TTC7B: variants seen among roughly 807,000 people sequenced by gnomAD.
TTC7B encodes tetratricopeptide repeat protein 7B.
Under a neutral mutation model 106.8 loss-of-function variants are expected in TTC7B, and 28 were observed. The ratio of observed to expected loss-of-function variants is 0.26; its 90% CI spans 0.19 to 0.36. The LOEUF is 0.36. Among genes scored for constraint, TTC7B ranks in the 10% least tolerant of loss-of-function variants. The pLI is 1.00. For missense variants in TTC7B, 862 were observed against 1,076.4 expected (o/e 0.80, Z 2.79); for synonymous variants, 405 against 430.6 (o/e 0.94, Z 0.74).
At chr14:90,556,163 C>T (rs367566500) in intron 19 of TTC7B, among the ~76,000 whole-genome samples, 1 of 152,242 alleles carries the variant, frequency 6.6e-6, no homozygotes, top group Non-Finnish European at 1.5e-5. Flanking sequence ...CTGGCGGCAG[C>T]GCTGGCTGGG....
In TTC7B at chr14:90,572,941, C is replaced by T. The variant is rs1260382446; in HGVS notation, c.2310+5165G>A. Among the ~76,000 whole-genome samples the T allele has an allele frequency of 2.0e-5, 3 of 152,112 alleles. No homozygotes were observed. In the East Asian group the frequency reaches 5.8e-4, roughly 29 times the overall value. On this transcript the variant is annotated intron_variant, in intron 19 of 19. Transcript: ENST00000328459. Reference sequence around the variant, plus strand: ...GTACTCTTTGGGCCAACTGCCTCAGCCCAACCCCTAGCCACCGCCCGTCTC... The same window carrying T: ...GTACTCTTTGGGCCAACTGCCTCAGTCCAACCCCTAGCCACCGCCCGTCTC...
intron 1 of TTC7B, among the ~76,000 whole-genome samples, chr14:90,813,669 ATTC>A: frequency 7.7e-6 from 1 of 130,654 alleles, no homozygotes; most frequent in South Asian, 2.7e-4. Flanking sequence ...CAAACACTGT[ATTC>A]TTTTTTTTTT....
intron 5 of TTC7B, among the ~76,000 whole-genome samples, chr14:90,702,305 G>GTACC (rs962805035): frequency 7.2e-5 from 11 of 151,960 alleles, no homozygotes; most frequent in African/African-American, 2.7e-4. Flanking sequence ...TTGGGTAACT[G>GTACC]TACCCACCTC....
intron 4 of TTC7B, among the ~76,000 whole-genome samples, chr14:90,731,677 G>A (rs531303322): frequency 2.8e-4 from 43 of 152,052 alleles, no homozygotes; most frequent in Non-Finnish European, 5.7e-4. Flanking sequence ...CCCACTACAG[G>A]CTCCTCCTCC....
intron 15 of TTC7B, among the ~76,000 whole-genome samples, chr14:90,640,006 C>T (rs1056556661): frequency 1.3e-5 from 2 of 152,154 alleles, no homozygotes; most frequent in South Asian, 2.1e-4. Context: ...ACGCCGGGTG[C>T]GGTAGCTCAG....
chr14:90,697,106 T>C (rs561239371), intron 5 of TTC7B, among the ~76,000 whole-genome samples: 52 of 152,288 alleles, frequency 3.4e-4, no homozygotes, highest in African/African-American at 1.2e-3. Flanking sequence ...TTGAATTGTA[T>C]GAAATAAGCT....
intron 1 of TTC7B, among the ~76,000 whole-genome samples, chr14:90,814,759 G>A (rs937925334): frequency 1.3e-5 from 2 of 152,176 alleles, no homozygotes; most frequent in Non-Finnish European, 2.9e-5. Flanking sequence ...GGAGGGCAAA[G>A]GCAAGCTGCC....
chr14:90,584,078 G>A (rs1412376030), intron 18 of TTC7B, among the ~76,000 whole-genome samples: 1 of 152,126 alleles, frequency 6.6e-6, no homozygotes, highest in Admixed American at 6.5e-5. Flanking sequence ...GTCACAGTGA[G>A]CCGCAAGTGT....
chr14:90,780,322 G>T (rs372909896), intron 3 of TTC7B, among the ~76,000 whole-genome samples: 1 of 151,234 alleles, frequency 6.6e-6, no homozygotes, highest in Non-Finnish European at 1.5e-5. Flanking sequence ...CGGAGGTTGC[G>T]GTAAGCCAAG....
At chr14:90,673,194 T>C (rs1397609746) in intron 9 of TTC7B, among the ~76,000 whole-genome samples, 1 of 152,184 alleles carries the variant, frequency 6.6e-6, no homozygotes, top group African/African-American at 2.4e-5. Context: ...ACTGTCCCAT[T>C]CAACAAAACT....
At chr14:90,715,129 T>C (rs942149738) in intron 5 of TTC7B, among the ~76,000 whole-genome samples, 6 of 152,330 alleles carry the variant, frequency 3.9e-5, no homozygotes, top group Non-Finnish European at 5.9e-5. Context: ...CAGTAAATAG[T>C]TGATGGCTAT....
chr14:90,644,166 G>T lies in TTC7B; in HGVS notation c.1633C>A (p.Gln545Lys), dbSNP rs750822086. ...LGYVRQALQL[Q>K]GDDANSLHLL... ...TGCAGGGAGTTGGCATCGTCACCTT[G>T]AAGCTGAAGAGCTTGGCGGACATAC... The change falls in exon 15 of 20, where the codon CAA becomes AAA. Residue 545 changes from glutamine to lysine, a missense_variant. Coordinates refer to ENST00000328459, the MANE Select transcript of TTC7B (RefSeq NM_001010854.2). 3.1e-6 allele frequency: 5 copies of T among 1,612,406 alleles called. No homozygotes were observed. In the Admixed American group the frequency reaches 5.0e-5, roughly 16 times the overall value.
rs2030019306 is a variant in TTC7B, at chr14:90,798,500, C to T, written c.122-12172G>A. Among the ~76,000 whole-genome samples, 3 of 152,040 alleles carry T rather than the reference C, an allele frequency of 2.0e-5. 1 individual carries two copies. In the South Asian group the frequency reaches 6.2e-4, roughly 32 times the overall value. ...TGTAATCCCAACACTCGCCTGAGGTCAAGAGTTCGAGACCAGCCTGGCCAA... is the reference window on the plus strand; with the variant it reads ...TGTAATCCCAACACTCGCCTGAGGTTAAGAGTTCGAGACCAGCCTGGCCAA... On this transcript the variant is annotated intron_variant, in intron 1 of 19. Coordinates refer to ENST00000328459, the MANE Select transcript of TTC7B (RefSeq NM_001010854.2).
At chr14:90,594,243 T>C (rs1406239143) in intron 17 of TTC7B, among the ~76,000 whole-genome samples, 1 of 152,076 alleles carries the variant, frequency 6.6e-6, no homozygotes, top group Non-Finnish European at 1.5e-5. Flanking sequence ...TAGCAGGGGA[T>C]GGGATGGAAT....
chr14:90,672,914 C>A (rs1886686518), intron 9 of TTC7B, among the ~76,000 whole-genome samples: 1 of 152,214 alleles, frequency 6.6e-6, no homozygotes, highest in African/African-American at 2.4e-5. Context: ...AATGAATATG[C>A]ATCTCCCAAC....
chr14:90,566,157 GCC>G (rs1201201328), intron 19 of TTC7B, among the ~76,000 whole-genome samples: 1 of 152,000 alleles, frequency 6.6e-6, no homozygotes, highest in Non-Finnish European at 1.5e-5. Context: ...TTTGAGACCA[GCC>G]TGGCCAATAT....
chr14:90,614,490 T>C (rs1892991009), intron 16 of TTC7B, among the ~76,000 whole-genome samples: 2 of 152,124 alleles, frequency 1.3e-5, no homozygotes, highest in Non-Finnish European at 2.9e-5. Flanking sequence ...GGGTACATGA[T>C]GGAGATGGGT....
At chr14:90,756,948 T>A (rs1404852319) in intron 3 of TTC7B, among the ~76,000 whole-genome samples, 1 of 152,086 alleles carries the variant, frequency 6.6e-6, no homozygotes. Context: ...TCTCTAAATA[T>A]AAACAGGAAG....
chr14:90,584,827 C>T lies in TTC7B; in HGVS notation c.2108-6519G>A, dbSNP rs542841977. Reference sequence around the variant, plus strand: ...GGAGGGCAGAGGGGTCCCACCTGATCGCAGGGTGTCTGCTAGCACAGAGGG... The same window carrying T: ...GGAGGGCAGAGGGGTCCCACCTGATTGCAGGGTGTCTGCTAGCACAGAGGG... On this transcript the variant is annotated intron_variant, in intron 18 of 19. Coordinates refer to ENST00000328459, the MANE Select transcript of TTC7B (RefSeq NM_001010854.2). Among the ~76,000 whole-genome samples, 11 of 152,136 alleles carry T rather than the reference C, an allele frequency of 7.2e-5. No homozygotes were observed. In the East Asian group the frequency reaches 1.7e-3, roughly 24 times the overall value.
Sources: gnomAD v4.1 joint callset for allele counts (sites outside exome capture counted in the v4.1 genomes callset) on GRCh38, gnomAD v4.1.1 for gene constraint, MANE v1.5 for transcripts, NCBI Gene and HGNC (gene_info 2026-07-23, HGNC 2026-07-21) for gene names.